Variants in NPAS3 observed in about 807,000 individuals in gnomAD.
NPAS3 encodes neuronal PAS domain-containing protein 3.
Under a neutral mutation model 73.1 loss-of-function variants are expected in NPAS3, and 14 were observed. The observed-to-expected ratio is 0.19, with a 90% CI of 0.13 to 0.30. The LOEUF is 0.30. Among genes scored for constraint, NPAS3 ranks in the 10% least tolerant of loss-of-function variants. NPAS3 has a pLI of 1.00. For missense variants in NPAS3, 1,096 were observed against 1,250.0 expected (o/e 0.88, Z 1.86); for synonymous variants, 620 against 541.5 (o/e 1.14, Z -2.01).
At chr14:33,251,278 T>C (rs1333882297) in intron 3 of NPAS3, among the ~76,000 whole-genome samples, 1 of 152,148 alleles carries the variant, frequency 6.6e-6, no homozygotes, top group Non-Finnish European at 1.5e-5. Context: ...GTCCTTTCAC[T>C]TTGTCTGTGA....
chr14:33,328,597 A>T (rs1490557549), intron 3 of NPAS3, among the ~76,000 whole-genome samples: 1 of 149,872 alleles, frequency 6.7e-6, no homozygotes, highest in Non-Finnish European at 1.5e-5. Flanking sequence ...AGTTGGGATT[A>T]CAGGCGCCCG....
At chr14:33,506,389 A>G (rs1166692782) in intron 4 of NPAS3, among the ~76,000 whole-genome samples, 1 of 152,082 alleles carries the variant, frequency 6.6e-6, no homozygotes, top group Non-Finnish European at 1.5e-5. Context: ...CTGCCCATAT[A>G]TAAGTGAAAG....
chr14:33,249,512 T>A (rs1325770293), intron 3 of NPAS3, among the ~76,000 whole-genome samples: 2 of 152,112 alleles, frequency 1.3e-5, no homozygotes, highest in African/African-American at 4.8e-5. Flanking sequence ...GTCTAAAAGG[T>A]CAAAGGAGCA....
At chr14:33,283,274 T>C (rs1386098253) in intron 3 of NPAS3, among the ~76,000 whole-genome samples, 1 of 152,204 alleles carries the variant, frequency 6.6e-6, no homozygotes, top group East Asian at 1.9e-4. Context: ...GTTCATTTCA[T>C]TGTAGTGAAT....
intron 4 of NPAS3, among the ~76,000 whole-genome samples, chr14:33,464,507 C>T (rs1198874021): frequency 9.2e-5 from 14 of 152,168 alleles, no homozygotes; most frequent in Admixed American, 9.2e-4. Context: ...AGCCTGAAGC[C>T]ACTGCTTCTC....
chr14:33,365,656 A>C (rs1262155283), intron 3 of NPAS3, among the ~76,000 whole-genome samples: 1 of 152,146 alleles, frequency 6.6e-6, no homozygotes, highest in Admixed American at 6.5e-5. Context: ...CATTGAAAAA[A>C]ATGCCTCTGT....
At chr14:32,936,172 T>G (rs556071691), upstream of NPAS3, among the ~76,000 whole-genome samples, 10 of 152,364 alleles carry the variant, frequency 6.6e-5, no homozygotes, top group South Asian at 2.1e-3. Context: ...CTGCCATATT[T>G]TGTGCCTTCC....
chr14:33,087,691 T>A (rs1326865788), intron 2 of NPAS3, among the ~76,000 whole-genome samples: 2 of 152,128 alleles, frequency 1.3e-5, no homozygotes, highest in African/African-American at 2.4e-5. Context: ...AAGTACTAAG[T>A]CATTGTGCAC....
At chr14:33,221,715 A>G (rs2047435946) in intron 3 of NPAS3, among the ~76,000 whole-genome samples, 1 of 152,104 alleles carries the variant, frequency 6.6e-6, no homozygotes, top group Admixed American at 6.5e-5. Context: ...ATTATGCATT[A>G]AGATTAATCA....
At chr14:33,236,919 A>T (rs2048053892) in intron 3 of NPAS3, among the ~76,000 whole-genome samples, 2 of 152,280 alleles carry the variant, frequency 1.3e-5, no homozygotes, top group Non-Finnish European at 2.9e-5. Context: ...TATGAAAGAT[A>T]AATCAGTGTT....
chr14:33,465,078 GT>G (rs550721097), intron 4 of NPAS3, among the ~76,000 whole-genome samples: 4 of 151,172 alleles, frequency 2.6e-5, no homozygotes, highest in Admixed American at 1.3e-4. Context: ...ATTCCCAAAG[GT>G]TTTTTTTTAC....
At chr14:33,710,997 A>T (rs1340202418) in intron 6 of NPAS3, among the ~76,000 whole-genome samples, 1 of 152,184 alleles carries the variant, frequency 6.6e-6, no homozygotes, top group Non-Finnish European at 1.5e-5. Flanking sequence ...AACTTCTCGA[A>T]TATTTGCTTT....
intron 5 of NPAS3, among the ~76,000 whole-genome samples, chr14:33,638,314 A>G (rs1036034889): frequency 1.3e-5 from 2 of 152,226 alleles, no homozygotes; most frequent in African/African-American, 4.8e-5. Flanking sequence ...ATCTGCTTCT[A>G]TCAAACCATG....
At chr14:33,564,943 C>T (rs920337973) in intron 5 of NPAS3, among the ~76,000 whole-genome samples, 4 of 152,274 alleles carry the variant, frequency 2.6e-5, no homozygotes, top group East Asian at 1.9e-4. Context: ...AATCACCCCC[C>T]ACTGCCTCCA....
intron 6 of NPAS3, among the ~76,000 whole-genome samples, chr14:33,734,563 G>A (rs1007970348): frequency 6.6e-6 from 1 of 152,124 alleles, no homozygotes; most frequent in African/African-American, 2.4e-5. Context: ...GGAGGGTTGG[G>A]GTTGAAAGCT....
intron 3 of NPAS3, among the ~76,000 whole-genome samples, chr14:33,259,572 T>A (rs1024994573): frequency 6.6e-6 from 1 of 152,194 alleles, no homozygotes; most frequent in Non-Finnish European, 1.5e-5. Flanking sequence ...GAAATTCATA[T>A]TAAGGAAAAT....
chr14:33,503,612 C>T (rs917364623), intron 4 of NPAS3, among the ~76,000 whole-genome samples: 7 of 151,804 alleles, frequency 4.6e-5, no homozygotes, highest in Non-Finnish European at 8.8e-5. Flanking sequence ...GGGGCAAAGC[C>T]TTATATTCTC....
At chr14:33,300,700 G>A (rs766807872) in intron 3 of NPAS3, among the ~76,000 whole-genome samples, 4 of 152,140 alleles carry the variant, frequency 2.6e-5, no homozygotes, top group Non-Finnish European at 5.9e-5. Flanking sequence ...TCTGCATTGC[G>A]GGTGAGGGGT....
At chr14:33,077,137 A>G (rs1457719432) in intron 2 of NPAS3, among the ~76,000 whole-genome samples, 1 of 152,208 alleles carries the variant, frequency 6.6e-6, no homozygotes, top group Admixed American at 6.5e-5. Flanking sequence ...TAGGTCAATT[A>G]TAGAATACCT....
Sources: gnomAD v4.1 joint callset for allele counts (sites outside exome capture counted in the v4.1 genomes callset) on GRCh38, gnomAD v4.1.1 for gene constraint, MANE v1.5 for transcripts, NCBI Gene and HGNC (gene_info 2026-07-23, HGNC 2026-07-21) for gene names.